The following DYNC2I1 variants were observed in gnomAD, a reference collection of about 807,000 sequenced individuals.
The protein encoded by DYNC2I1 is cytoplasmic dynein 2 intermediate chain 1.
A neutral mutation model predicts 133.4 loss-of-function variants in DYNC2I1; 89 were observed. The ratio of observed to expected loss-of-function variants is 0.67; its 90% CI spans 0.56 to 0.80. The LOEUF (loss-of-function observed/expected upper bound fraction) is 0.80, where lower values mean the gene tolerates loss of function less well. Among genes scored for constraint, DYNC2I1 ranks in the 30% least tolerant of loss-of-function variants. The pLI is 0.00. For synonymous variants in DYNC2I1, 504 were observed against 484.3 expected (o/e 1.04, Z -0.54); for missense variants, 1,291 against 1,314.5 (o/e 0.98, Z 0.28).
At chr7:158,856,465 G>A (rs373373206), upstream of DYNC2I1, 1 of 377,968 alleles carries the variant, frequency 2.6e-6, no homozygotes, top group Non-Finnish European at 4.7e-6. Flanking sequence ...GGCGCATTGG[G>A]AGGGGCCGCG....
At chr7:158,860,259 A>G (rs1645920204) in intron 1 of DYNC2I1, among the ~76,000 whole-genome samples, 1 of 151,962 alleles carries the variant, frequency 6.6e-6, no homozygotes, top group African/African-American at 2.4e-5. Context: ...CGGTTTCACC[A>G]TGTTGGCCAG....
chr7:158,907,781 A>T (rs1026476256), intron 11 of DYNC2I1, among the ~76,000 whole-genome samples: 10 of 147,138 alleles, frequency 6.8e-5, no homozygotes, highest in African/African-American at 2.5e-4. Flanking sequence ...GCTAATTTTT[A>T]TTTTTTTTTT....
chr7:158,891,993 C>T (rs1845273352), intron 8 of DYNC2I1, among the ~76,000 whole-genome samples: 1 of 152,064 alleles, frequency 6.6e-6, no homozygotes, highest in Non-Finnish European at 1.5e-5. Context: ...ACTTGGGGCT[C>T]TCCTCGGGGC....
At chr7:158,883,013 C>A (rs1196705924) in intron 5 of DYNC2I1, among the ~76,000 whole-genome samples, 1 of 151,898 alleles carries the variant, frequency 6.6e-6, no homozygotes, top group Non-Finnish European at 1.5e-5. Context: ...ACTTTTGATA[C>A]TCAAAATTAG....
At chr7:158,905,729 TTAAG>T (rs1846729875) in intron 10 of DYNC2I1, among the ~76,000 whole-genome samples, 1 of 152,236 alleles carries the variant, frequency 6.6e-6, no homozygotes, top group Admixed American at 6.5e-5. Flanking sequence ...TTGTGCATTC[TTAAG>T]TATTTCTAAA....
intron 8 of DYNC2I1, among the ~76,000 whole-genome samples, chr7:158,900,631 T>C (rs1585086151): frequency 6.6e-6 from 1 of 152,142 alleles, no homozygotes; most frequent in South Asian, 2.1e-4. Context: ...CAGTCATTAT[T>C]GTATCAAGTA....
intron 23 of DYNC2I1, among the ~76,000 whole-genome samples, chr7:158,936,820 A>T (rs890966379): frequency 6.6e-6 from 1 of 152,200 alleles, no homozygotes; most frequent in African/African-American, 2.4e-5. Flanking sequence ...TCAATCACTA[A>T]ATACAGCCAA....
chr7:158,880,133 A>G (rs1843850001), intron 5 of DYNC2I1, 144 bp downstream of exon 5: 1 of 868,954 alleles, frequency 1.2e-6, no homozygotes, highest in South Asian at 1.8e-5. Flanking sequence ...TCAAGTCTTG[A>G]TTACGTGGTT....
chr7:158,859,595 C>T (rs1841692107), intron 1 of DYNC2I1, among the ~76,000 whole-genome samples: 1 of 152,176 alleles, frequency 6.6e-6, no homozygotes, highest in Non-Finnish European at 1.5e-5. Context: ...CGCCACCTCC[C>T]AGGTTAAAGC....
the DYNC2I1 span, among the ~76,000 whole-genome samples, chr7:158,843,082 G>A: frequency 6.6e-6 from 1 of 152,182 alleles, no homozygotes; most frequent in East Asian, 1.9e-4. Context: ...CCACCTTGCT[G>A]AAGATTGGCT....
chr7:158,888,019 CTT>C (rs545903783), intron 7 of DYNC2I1, among the ~76,000 whole-genome samples: 130 of 96,574 alleles, frequency 1.3e-3, no homozygotes, highest in Middle Eastern at 0.011. Context: ...AACCATTGTC[CTT>C]TTTTTTTTTT....
intron 23 of DYNC2I1, among the ~76,000 whole-genome samples, chr7:158,935,922 G>C (rs1850707653): frequency 6.6e-6 from 1 of 152,156 alleles, no homozygotes; most frequent in Non-Finnish European, 1.5e-5. Context: ...AAAGTTATCT[G>C]GGCACGGTGG....
intron 13 of DYNC2I1, 125 bp from the exon 14 acceptor site, chr7:158,914,108 T>G: frequency 4.3e-6 from 3 of 690,402 alleles, no homozygotes; most frequent in Non-Finnish European, 4.7e-6. Context: ...AGCTTGAAGT[T>G]TTCTGTCTTT....
rs758397049 is a variant in DYNC2I1 at position 158,926,486 on chromosome 7, C to A, written c.2433+23C>A. ...TGGGTGAGTAGTGGCCCAGGCCGGG[C>A]ACATGCGGGGCCTGAGTGAGGTGGT... is the stretch of plus-strand genomic sequence containing the variant. On this transcript the variant is annotated intron_variant, in intron 19 of 24. Coordinates refer to ENST00000407559, the MANE Select transcript of DYNC2I1 (RefSeq NM_018051.5). 1.9e-6 allele frequency: 3 copies of A among 1,609,188 alleles called. No homozygotes were observed. In the Admixed American group the frequency reaches 5.1e-5, roughly 27 times the overall value.
the DYNC2I1 span, among the ~76,000 whole-genome samples, chr7:158,845,418 C>A: frequency 1.6e-4 from 24 of 152,104 alleles, no homozygotes; most frequent in Non-Finnish European, 8.8e-5. Flanking sequence ...GAGGAACTGG[C>A]AACATTTTTG....
chr7:158,848,527 C>T, the DYNC2I1 span, among the ~76,000 whole-genome samples: 16 of 152,120 alleles, frequency 1.1e-4, no homozygotes, highest in African/African-American at 3.4e-4. Context: ...AAAGGACTCG[C>T]CCCAGAAGGG....
upstream of DYNC2I1, among the ~76,000 whole-genome samples, chr7:158,854,652 A>C (rs1291550725): frequency 6.6e-6 from 1 of 152,196 alleles, no homozygotes; most frequent in Admixed American, 6.5e-5. Flanking sequence ...AATAATAAAA[A>C]AAGAGAAGGG....
chr7:158,878,976 C>T (rs28417752), intron 4 of DYNC2I1, among the ~76,000 whole-genome samples: 2,922 of 139,668 alleles, frequency 0.021, 103 homozygotes, highest in African/African-American at 0.076. Flanking sequence ...CTGTGAGTGC[C>T]GGGTGCCATG....
At chr7:158,934,333 G>C in intron 22 of DYNC2I1, 85 bp from the exon 23 acceptor site, 5 of 1,537,042 alleles carry the variant, frequency 3.3e-6, no homozygotes, top group Non-Finnish European at 4.4e-6. Flanking sequence ...TCTTTATAAA[G>C]TTTAAATTGT....
Sources: gnomAD v4.1 joint callset for allele counts (sites outside exome capture counted in the v4.1 genomes callset) on GRCh38, gnomAD v4.1.1 for gene constraint, MANE v1.5 for transcripts, NCBI Gene and HGNC (gene_info 2026-07-23, HGNC 2026-07-21) for gene names.